Variants in PLCB4 observed in about 807,000 individuals in gnomAD.
PLCB4 encodes the protein 1-phosphatidylinositol 4,5-bisphosphate phosphodiesterase beta-4.
PLCB4 carries 77 observed loss-of-function variants against 178.8 expected under a neutral mutation model. The observed-to-expected ratio is 0.43, with a 90% CI of 0.36 to 0.52. PLCB4 has a LOEUF of 0.52. PLCB4 is among the 20% of genes least tolerant of loss of function. The pLI, the probability that PLCB4 is intolerant of heterozygous loss-of-function variation, is 0.00. For synonymous variants in PLCB4, 496 were observed against 490.8 expected, an observed-to-expected ratio of 1.01 and a Z score of -0.14; for missense variants, 1,024 against 1,453.4, an observed-to-expected ratio of 0.70 and a Z score of 4.80.
chr20:9,074,807 TAAACAAAACA>T lies in PLCB4; in HGVS notation c.-135+5637_-135+5646del, dbSNP rs138068127. On this transcript the variant is annotated intron_variant, in intron 1 of 39. Transcript: ENST00000378473. ...CCAGCTAGGCTTTTTTTTTTTTTTT[TAAACAAAACA>T]AAACAAAACAAAACAAAACAAAACA... Among the ~76,000 whole-genome samples, 60 of 123,438 alleles carry T rather than the reference TAAACAAAACA, an allele frequency of 4.9e-4. 2 individuals carry two copies. Among genetic ancestry groups the T allele is most frequent in the African/African-American group, 9.4e-4 (29 of 30,952 alleles). 81.0% of individuals were successfully genotyped at this position (123,438 alleles called of 152,430 possible).
At chr20:9,290,790 A>G (rs557641885) in intron 3 of PLCB4, among the ~76,000 whole-genome samples, 1 of 152,314 alleles carries the variant, frequency 6.6e-6, no homozygotes, top group East Asian at 1.9e-4. Context: ...ATGGTTATTA[A>G]ATAACATTTA....
intron 2 of PLCB4, among the ~76,000 whole-genome samples, chr20:9,211,492 T>C (rs545589117): frequency 2.0e-5 from 3 of 152,336 alleles, no homozygotes; most frequent in East Asian, 3.9e-4. Context: ...CCAGATATGC[T>C]GGTGATTTGT....
chr20:9,307,877 A>G lies in PLCB4; in HGVS notation c.63A>G (p.Ala21=), dbSNP rs1342934124. 1.3e-6 allele frequency: 2 copies of G among 1,514,416 alleles called. No homozygotes were observed. Among genetic ancestry groups the G allele is most frequent in the African/African-American group, 1.4e-5 (1 of 73,966 alleles). 93.8% of individuals were successfully genotyped at this position (1,514,416 alleles called of 1,614,324 possible). The change falls in exon 4 of 40, where the codon GCA becomes GCG. Residue 21 remains alanine (A), a synonymous_variant. Transcript: ENST00000378473. ...TTCCCTCCTTTTTGCAAGAAGGAGC[A>G]GTTTTTGACAGATACGAGGAGGTAA... ...KEVPSFLQEG[A]VFDRYEEESF...
intron 3 of PLCB4, among the ~76,000 whole-genome samples, chr20:9,289,598 A>T (rs1280632166): frequency 6.6e-6 from 1 of 152,026 alleles, no homozygotes; most frequent in Non-Finnish European, 1.5e-5. Flanking sequence ...TTATTAAACT[A>T]CCTCTTATTA....
chr20:9,214,377 G>C (rs112283029), intron 2 of PLCB4, among the ~76,000 whole-genome samples: 1 of 152,124 alleles, frequency 6.6e-6, no homozygotes, highest in African/African-American at 2.4e-5. Flanking sequence ...TCCTGGCACC[G>C]TGTGTTGAAT....
intron 3 of PLCB4, among the ~76,000 whole-genome samples, chr20:9,249,375 A>T (rs2094156759): frequency 6.6e-6 from 1 of 152,158 alleles, no homozygotes; most frequent in Non-Finnish European, 1.5e-5. Context: ...TGGCACAATC[A>T]CAGGTCACTG....
rs1391468546 is a variant in PLCB4, at chr20:9,421,341, C to T, written c.2199C>T (p.Tyr733=). The change falls in exon 27 of 40, where the codon TAC becomes TAT. Residue 733 remains tyrosine, a synonymous_variant. Coordinates refer to ENST00000378473, the MANE Select transcript of PLCB4 (RefSeq NM_001377142.1). ...TATCAGATAAGAAAATTGGCACCTACGTAGAGGTGGATATGTATGGGTTGC... is the reference window on the plus strand; with the variant it reads ...TATCAGATAAGAAAATTGGCACCTATGTAGAGGTGGATATGTATGGGTTGC... ...QFLSDKKIGT[Y]VEVDMYGLPT... 1.9e-6 allele frequency: 3 copies of T among 1,613,508 alleles called. No individual in the cohort carries two copies. The highest frequency in any genetic ancestry group is 2.5e-6 in the Non-Finnish European group (3 of 1,179,500).
chr20:9,316,541 G>T (rs2094901212), intron 4 of PLCB4, among the ~76,000 whole-genome samples: 1 of 152,192 alleles, frequency 6.6e-6, no homozygotes, highest in Non-Finnish European at 1.5e-5. Context: ...TCCTTTTCCT[G>T]ACTATGTCTC....
intron 1 of PLCB4, among the ~76,000 whole-genome samples, chr20:9,072,676 G>A (rs1206280498): frequency 6.6e-6 from 1 of 152,096 alleles, no homozygotes; most frequent in Admixed American, 6.5e-5. Context: ...GGGTGGAAGG[G>A]TAGAAAGAGT....
At chr20:9,208,063 A>G (rs1247328027) in intron 2 of PLCB4, among the ~76,000 whole-genome samples, 1 of 152,198 alleles carries the variant, frequency 6.6e-6, no homozygotes, top group Admixed American at 6.5e-5. Context: ...TCTGAGTGCA[A>G]TGCATGTGTG....
At chr20:9,295,015 A>G (rs1478091409) in intron 3 of PLCB4, among the ~76,000 whole-genome samples, 2 of 152,096 alleles carry the variant, frequency 1.3e-5, no homozygotes, top group African/African-American at 2.4e-5. Flanking sequence ...CTCCATTCTC[A>G]TAGTCCCCAC....
At chr20:9,356,477 G>A (rs1286669520) in intron 7 of PLCB4, among the ~76,000 whole-genome samples, 1 of 152,196 alleles carries the variant, frequency 6.6e-6, no homozygotes, top group Admixed American at 6.5e-5. Flanking sequence ...TGAAGGTGTA[G>A]TTCCTGCACT....
rs79003814 is a variant in PLCB4 at position 9,406,027 on chromosome 20, C to T, written c.1647+679C>T. Reference sequence around the variant, plus strand: ...TGAAAGAATTATGAATAAATATGGTCGCAGGCCTGTCCCAAAATATTTGTG... The same window carrying T: ...TGAAAGAATTATGAATAAATATGGTTGCAGGCCTGTCCCAAAATATTTGTG... On this transcript the variant is annotated intron_variant, in intron 21 of 39. Transcript: ENST00000378473. Among the ~76,000 whole-genome samples, 8 of 152,266 alleles carry T rather than the reference C, an allele frequency of 5.3e-5. No homozygotes were observed. In the East Asian group the frequency reaches 5.8e-4, roughly 11 times the overall value.
At chr20:9,315,200 C>G (rs990320066) in intron 4 of PLCB4, among the ~76,000 whole-genome samples, 2 of 152,184 alleles carry the variant, frequency 1.3e-5, no homozygotes, top group African/African-American at 4.8e-5. Context: ...CTTTCACACA[C>G]TCTGTATATT....
chr20:9,450,830 G>A (rs1247169917), intron 32 of PLCB4, among the ~76,000 whole-genome samples: 1 of 151,612 alleles, frequency 6.6e-6, no homozygotes, highest in Non-Finnish European at 1.5e-5. Flanking sequence ...TGTATTTTTA[G>A]TAGAGTTGGG....
At chr20:9,081,585 C>T (rs989136424) in intron 1 of PLCB4, among the ~76,000 whole-genome samples, 1 of 152,016 alleles carries the variant, frequency 6.6e-6, no homozygotes, top group African/African-American at 2.4e-5. Context: ...ATTGGGTGCC[C>T]TACTTTAGTC....
intron 2 of PLCB4, among the ~76,000 whole-genome samples, chr20:9,214,560 G>GAC (rs11474652): frequency 0.25 from 36,248 of 145,314 alleles, 4,274 homozygotes; most frequent in Non-Finnish European, 0.29. Context: ...AAACACCCCA[G>GAC]ACACACACAC....
Position 9,444,256 on chromosome 20 carries a change from A to G in PLCB4, c.2880+13A>G. The G allele has an allele frequency of 6.5e-7, 1 of 1,531,360 alleles. No homozygotes were observed. Among genetic ancestry groups the G allele is most frequent in the Non-Finnish European group, 9.0e-7 (1 of 1,109,008 alleles). 94.9% of individuals were successfully genotyped at this position (1,531,360 alleles called of 1,614,324 possible). On this transcript the variant is annotated intron_variant, in intron 32 of 39. Coordinates refer to ENST00000378473, the MANE Select transcript of PLCB4 (RefSeq NM_001377142.1). ...GAAACATGCAAAGGTACAGTGCTCT[A>G]CAGCTACTATTTTGTGTTATGTATG...
rs779210871 is a variant in PLCB4, at chr20:9,384,319, C to G, written c.972C>G (p.Ile324Met). The change falls in exon 14 of 40, where the codon ATC becomes ATG. Residue 324 changes from isoleucine to methionine, a missense_variant. By Grantham distance (10) the Ile-to-Met change is conservative. This residue lies in a region of PLCB4 where 263 missense variants were observed against 417.4 expected (regional missense o/e 0.63). Transcript: ENST00000378473. ...EMDHPLAHYF[I>M]SSSHNTYLTG... ...ACCATCCTCTGGCTCACTACTTCAT[C>G]AGTTCTTCCCATAACACTTATCTCA... is the stretch of plus-strand genomic sequence containing the variant. The G allele has an allele frequency of 6.2e-7, 1 of 1,614,072 alleles. No individual in the cohort carries two copies. Among genetic ancestry groups the G allele is most frequent in the Non-Finnish European group, 8.5e-7 (1 of 1,179,896 alleles).
Sources: allele counts gnomAD v4.1 joint callset (sites outside exome capture counted in the v4.1 genomes callset), GRCh38; gene constraint gnomAD v4.1.1; regional missense constraint gnomAD v4.1.1; transcripts MANE v1.5; gene names NCBI Gene and HGNC (gene_info 2026-07-23, HGNC 2026-07-21).